The following CFAP299 variants were observed in gnomAD, a reference collection of about 807,000 sequenced individuals.
CFAP299 encodes cilia and flagella associated protein 299.
In CFAP299, 21 loss-of-function variants were observed where a neutral mutation model predicts 27.0. That is an observed-to-expected ratio of 0.78 (90% CI 0.55 to 1.12). The LOEUF (loss-of-function observed/expected upper bound fraction) is 1.12. CFAP299 is among the 50% of genes most tolerant of loss of function. CFAP299 has a pLI of 0.00. For missense variants in CFAP299, 310 were observed against 276.6 expected (o/e 1.12, Z -0.86); for synonymous variants, 104 against 98.1 (o/e 1.06, Z -0.36).
At chr4:80,432,576 A>G (rs1332040956) in intron 2 of CFAP299, among the ~76,000 whole-genome samples, 4 of 120,592 alleles carry the variant, frequency 3.3e-5, no homozygotes, top group Non-Finnish European at 4.8e-5. Context: ...TCTGTCGCCC[A>G]GGCTGGAGTG....
intron 1 of CFAP299, among the ~76,000 whole-genome samples, chr4:80,346,323 G>C (rs1045398231): frequency 6.6e-6 from 1 of 152,066 alleles, no homozygotes; most frequent in African/African-American, 2.4e-5. Context: ...CATTGCTTTT[G>C]GTGTTTTTGT....
chr4:80,732,799 A>G (rs189756862), intron 3 of CFAP299, among the ~76,000 whole-genome samples: 48 of 152,246 alleles, frequency 3.2e-4, no homozygotes, highest in African/African-American at 1.1e-3. Flanking sequence ...TATATAATGG[A>G]TCTTCAACGA....
chr4:80,493,472 T>G (rs1421198102), intron 2 of CFAP299, among the ~76,000 whole-genome samples: 1 of 152,084 alleles, frequency 6.6e-6, no homozygotes, highest in Non-Finnish European at 1.5e-5. Context: ...GCAGAGCAGA[T>G]AGCAGGTAAT....
chr4:80,898,943 A>G (rs1256297610), intron 4 of CFAP299, among the ~76,000 whole-genome samples: 2 of 152,224 alleles, frequency 1.3e-5, no homozygotes, highest in African/African-American at 4.8e-5. Context: ...CCCAAAATAT[A>G]AGGGCTTGCT....
At chr4:80,385,613 A>C (rs1367143250) in intron 2 of CFAP299, among the ~76,000 whole-genome samples, 3 of 152,168 alleles carry the variant, frequency 2.0e-5, no homozygotes, top group Non-Finnish European at 4.4e-5. Context: ...GTCACAAGGC[A>C]AGTGCATGTC....
At chr4:80,885,528 C>T (rs891608421) in intron 4 of CFAP299, among the ~76,000 whole-genome samples, 2 of 152,112 alleles carry the variant, frequency 1.3e-5, no homozygotes, top group Non-Finnish European at 2.9e-5. Flanking sequence ...GGTACCAGCT[C>T]AGTCACAGTG....
At chr4:80,510,530 C>T (rs375122233) in intron 2 of CFAP299, among the ~76,000 whole-genome samples, 7 of 152,260 alleles carry the variant, frequency 4.6e-5, no homozygotes, top group African/African-American at 1.4e-4. Flanking sequence ...TTTCTTGCGT[C>T]GTCCTCTGAC....
chr4:80,545,037 G>A (rs1905971), intron 2 of CFAP299, among the ~76,000 whole-genome samples: 11,749 of 152,134 alleles, frequency 0.077, 524 homozygotes, highest in Non-Finnish European at 0.094. Context: ...TGCAATAAAA[G>A]TAGAAATCAA....
chr4:80,539,958 C>T (rs1432429297), intron 2 of CFAP299, among the ~76,000 whole-genome samples: 1 of 152,154 alleles, frequency 6.6e-6, no homozygotes, highest in Non-Finnish European at 1.5e-5. Context: ...CATTTAGCTC[C>T]TGGGGCCAGC....
intron 3 of CFAP299, among the ~76,000 whole-genome samples, chr4:80,688,140 C>A (rs893110617): frequency 3.9e-4 from 59 of 152,208 alleles, no homozygotes; most frequent in Non-Finnish European, 4.0e-4. Flanking sequence ...CCCAGGCTTG[C>A]TTAGGTAAAC....
intron 2 of CFAP299, among the ~76,000 whole-genome samples, chr4:80,401,861 T>C (rs907580537): frequency 1.3e-5 from 2 of 152,170 alleles, no homozygotes; most frequent in Non-Finnish European, 2.9e-5. Context: ...GGTTGTACCC[T>C]GCAAAGCCAC....
At position 80,891,292 on chromosome 4, in the gene CFAP299, T is replaced by C. The variant is rs1324244775; in HGVS notation, c.476+21157T>C. Among the ~76,000 whole-genome samples the C allele has an allele frequency of 2.6e-5, 4 of 151,314 alleles. No homozygotes were observed. The South Asian group carries it at 8.4e-4, about 32-fold the overall frequency. On this transcript the variant is annotated intron_variant, in intron 4 of 5. Coordinates refer to ENST00000358105, the MANE Select transcript of CFAP299 (RefSeq NM_152770.3). ...CTTTCTACATATGGCTAGCCAGTTT[T>C]CCCAGCACCATTTATTAAATAGGGA...
intron 1 of CFAP299, among the ~76,000 whole-genome samples, chr4:80,361,427 AT>A (rs1723542828): frequency 6.6e-6 from 1 of 152,210 alleles, no homozygotes; most frequent in Non-Finnish European, 1.5e-5. Flanking sequence ...ATTTAAGAAA[AT>A]TCTTACTCAA....
intron 2 of CFAP299, among the ~76,000 whole-genome samples, chr4:80,372,597 G>C (rs893283154): frequency 6.6e-6 from 1 of 152,210 alleles, no homozygotes; most frequent in African/African-American, 2.4e-5. Context: ...TAGTATATCA[G>C]GGAAAATGTA....
chr4:80,914,263 G>A (rs1463627986), intron 4 of CFAP299, among the ~76,000 whole-genome samples: 2 of 152,174 alleles, frequency 1.3e-5, no homozygotes, highest in Non-Finnish European at 2.9e-5. Flanking sequence ...AACTGCCAAA[G>A]ATTTTGTTAA....
chr4:80,947,061 T>C (rs1737513318), intron 5 of CFAP299, among the ~76,000 whole-genome samples: 1 of 152,198 alleles, frequency 6.6e-6, no homozygotes, highest in South Asian at 2.1e-4. Context: ...GGGGAATCAT[T>C]ATTGAATGTG....
chr4:80,377,232 A>C (rs1340960710), intron 2 of CFAP299, among the ~76,000 whole-genome samples: 2 of 152,090 alleles, frequency 1.3e-5, no homozygotes, highest in African/African-American at 2.4e-5. Flanking sequence ...TTTTCTTTTA[A>C]AACTTTAGAG....
chr4:80,963,570 A>G lies in CFAP299; in HGVS notation c.660A>G (p.Val220=), dbSNP rs1738459399. Reference sequence around the variant, plus strand: ...TCACTATCCTGACAGAACTCTACGTACAAGCTGTCATTTTTGACCACATTT... The same window carrying G: ...TCACTATCCTGACAGAACTCTACGTGCAAGCTGTCATTTTTGACCACATTT... ...TRITILTELY[V]QAVIFDHISR... is the part of the protein sequence containing the mutation. The change falls in exon 6 of 6, where the codon GTA becomes GTG. Residue 220 remains valine (V), a synonymous_variant. Transcript: ENST00000358105. The G allele has an allele frequency of 6.2e-7, 1 of 1,608,032 alleles. No homozygotes were observed. Among genetic ancestry groups the G allele is most frequent in the Non-Finnish European group, 8.5e-7 (1 of 1,176,816 alleles).
chr4:80,897,083 G>C (rs1269738188), intron 4 of CFAP299, among the ~76,000 whole-genome samples: 1 of 152,112 alleles, frequency 6.6e-6, no homozygotes, highest in Non-Finnish European at 1.5e-5. Flanking sequence ...CAAATTTTAG[G>C]AACAGTGAGA....
Sources: gnomAD v4.1 joint callset for allele counts (sites outside exome capture counted in the v4.1 genomes callset) on GRCh38, gnomAD v4.1.1 for gene constraint, MANE v1.5 for transcripts, NCBI Gene and HGNC (gene_info 2026-07-23, HGNC 2026-07-21) for gene names.